VTA1: variants seen among roughly 807,000 people sequenced by gnomAD.
VTA1 encodes the protein vesicle trafficking 1, also known as vacuolar protein sorting-associated protein VTA1 homolog.
A neutral mutation model predicts 36.9 loss-of-function variants in VTA1; 24 were observed. The ratio of observed to expected loss-of-function variants is 0.65; its 90% CI spans 0.47 to 0.91. VTA1 has a LOEUF of 0.91. Among genes scored for constraint, VTA1 ranks in the 40% least tolerant of loss-of-function variants. The pLI, the probability that VTA1 is intolerant of heterozygous loss-of-function variation, is 0.00. For missense variants in VTA1, 393 were observed against 377.2 expected (o/e 1.04, Z -0.35); for synonymous variants, 142 against 130.2 (o/e 1.09, Z -0.62).
In VTA1 at chr6:142,147,282, G is replaced by A. The variant is rs1308587650; in HGVS notation, c.-6G>A. On this transcript the variant is annotated 5_prime_UTR_variant, in exon 1 of 8. Transcript: ENST00000367630. The stretch of plus-strand genomic sequence containing the variant: ...GCGAGTAGGAAGTGGTGAGTTCGGA[G>A]TAGAGATGGCCGCGCTTGCACCGCT... 3.1e-6 allele frequency: 5 copies of A among 1,614,028 alleles called. No individual in the cohort carries two copies. The South Asian group carries it at 3.3e-5, about 11-fold the overall frequency.
chr6:142,203,252 C>T (rs558762377), intron 6 of VTA1, among the ~76,000 whole-genome samples: 2 of 152,048 alleles, frequency 1.3e-5, no homozygotes, highest in African/African-American at 2.4e-5. Flanking sequence ...ATTGCCTATT[C>T]GAATTCAGTG....
chr6:142,190,166 A>G (rs1335005283), intron 5 of VTA1, among the ~76,000 whole-genome samples: 1 of 152,200 alleles, frequency 6.6e-6, no homozygotes, highest in Non-Finnish European at 1.5e-5. Context: ...TTGTAAATCT[A>G]TTTGAGTTAT....
chr6:142,162,069 T>A (rs1017032418), intron 1 of VTA1, among the ~76,000 whole-genome samples: 1 of 152,086 alleles, frequency 6.6e-6, no homozygotes, highest in Non-Finnish European at 1.5e-5. Context: ...AAGAAAAAAA[T>A]GAATGTAGGC....
intron 5 of VTA1, among the ~76,000 whole-genome samples, chr6:142,192,608 T>G (rs1775475891): frequency 6.6e-6 from 1 of 152,038 alleles, no homozygotes; most frequent in Admixed American, 6.6e-5. Flanking sequence ...TGATTCATAG[T>G]CTGTCCCTCT....
At chr6:142,197,348 A>G (rs1775571787) in intron 5 of VTA1, among the ~76,000 whole-genome samples, 1 of 152,200 alleles carries the variant, frequency 6.6e-6, no homozygotes, top group Admixed American at 6.5e-5. Flanking sequence ...CAAAAAAGTT[A>G]TTTAAAAATG....
chr6:142,167,667 G>A (rs1774947183), intron 2 of VTA1, among the ~76,000 whole-genome samples: 1 of 152,162 alleles, frequency 6.6e-6, no homozygotes, highest in African/African-American at 2.4e-5. Flanking sequence ...TGGTGTGGCT[G>A]TCTGGCTTAC....
In VTA1 at chr6:142,205,500, G is replaced by T. The variant is rs193258557; in HGVS notation, c.778+1435G>T. ...TGTAAGAACTCTCACATTTTGCCTAGCACATACCTTTTTTAAGGAACTTAA... is the reference window on the plus strand; with the variant it reads ...TGTAAGAACTCTCACATTTTGCCTATCACATACCTTTTTTAAGGAACTTAA... On this transcript the variant is annotated intron_variant, in intron 7 of 7. Coordinates refer to ENST00000367630, the MANE Select transcript of VTA1 (RefSeq NM_016485.5). Among the ~76,000 whole-genome samples the T allele has an allele frequency of 3.7e-4, 56 of 152,042 alleles. 1 individual carries two copies. The highest frequency in any genetic ancestry group is 2.6e-4 in the Non-Finnish European group (18 of 67,998).
Position 142,170,309 on chromosome 6 carries a change from T to C in VTA1, c.336-37T>C, listed in dbSNP as rs112214939. On this transcript the variant is annotated intron_variant, in intron 3 of 7. Transcript: ENST00000367630. ...TGACAAAACTACATTTTAATGTGTTTCATATTTAAACTAGACCGCTCTCTT... is the reference window on the plus strand; with the variant it reads ...TGACAAAACTACATTTTAATGTGTTCCATATTTAAACTAGACCGCTCTCTT... The C allele has an allele frequency of 2.0e-3, 2,841 of 1,415,156 alleles. 45 individuals carry two copies. In the African/African-American group the frequency reaches 0.048, roughly 24 times the overall value. The allele number at this position is 1,415,156 out of a possible 1,614,324, so 87.7% of individuals were successfully genotyped here.
intron 1 of VTA1, among the ~76,000 whole-genome samples, chr6:142,147,822 A>G (rs1030493781): frequency 1.3e-5 from 2 of 152,228 alleles, no homozygotes; most frequent in African/African-American, 2.4e-5. Flanking sequence ...TAATAAGTGA[A>G]TATTATTTAT....
At chr6:142,167,306 T>C (rs954903778) in intron 2 of VTA1, among the ~76,000 whole-genome samples, 8 of 152,210 alleles carry the variant, frequency 5.3e-5, no homozygotes, top group African/African-American at 1.9e-4. Context: ...CTGTAACTCC[T>C]GGACCCAGCC....
chr6:142,216,476 A>AAAAC (rs1363396885), intron 7 of VTA1, among the ~76,000 whole-genome samples: 33 of 152,168 alleles, frequency 2.2e-4, no homozygotes, highest in African/African-American at 7.7e-4. Context: ...ATATGTTTAT[A>AAAAC]AGTTACATTT....
intron 2 of VTA1, among the ~76,000 whole-genome samples, chr6:142,168,740 CATTATTATTATT>C (rs3079231): frequency 0.036 from 5,073 of 140,782 alleles, 316 homozygotes; most frequent in African/African-American, 0.12. Flanking sequence ...TGAGAGATAT[CATTATTATTATT>C]ATTATTATTA....
chr6:142,189,640 C>A, intron 5 of VTA1, 106 bp downstream of exon 5: 2 of 760,696 alleles, frequency 2.6e-6, no homozygotes, highest in Non-Finnish European at 4.1e-6. Context: ...TTTCATCAGG[C>A]CCAGAATCAA....
intron 4 of VTA1, among the ~76,000 whole-genome samples, chr6:142,183,426 C>T (rs760840964): frequency 3.9e-5 from 6 of 152,174 alleles, no homozygotes; most frequent in Non-Finnish European, 7.3e-5. Flanking sequence ...AATCCCTCCT[C>T]CCGCCTATGG....
At chr6:142,160,232 C>T (rs527302260) in intron 1 of VTA1, among the ~76,000 whole-genome samples, 7 of 152,170 alleles carry the variant, frequency 4.6e-5, no homozygotes, top group Middle Eastern at 3.4e-3. Flanking sequence ...AGTTTAACAC[C>T]GCTACAAAAG....
rs1323179937 is a variant in VTA1, at chr6:142,221,993, T to G, written c.*3350T>G. The G allele has an allele frequency of 6.6e-6, 1 of 151,252 alleles. No individual in the cohort carries two copies. The highest frequency in any genetic ancestry group is 1.5e-5 in the Non-Finnish European group (1 of 67,856). The allele number at this position is 151,252 out of a possible 1,614,324, so 9.4% of individuals were successfully genotyped here. ...CTCAAAAAAAAAAAAAGTATTACAA[T>G]AATCAAGGTGAGATATTATGATGTC... On this transcript the variant is annotated 3_prime_UTR_variant, in exon 8 of 8. Transcript: ENST00000367630.
chr6:142,160,960 G>A lies in VTA1; in HGVS notation c.113-5268G>A, dbSNP rs1164424145. Among the ~76,000 whole-genome samples the A allele has an allele frequency of 2.6e-5, 4 of 152,012 alleles. 1 individual carries two copies. The highest frequency in any genetic ancestry group is 1.3e-4 in the Admixed American group (2 of 15,256). ...CATTACATCATTTAATAGGAAGTCAGGAGTGGCTTTTTCTTAAAATTGTTG... is the reference window on the plus strand; with the variant it reads ...CATTACATCATTTAATAGGAAGTCAAGAGTGGCTTTTTCTTAAAATTGTTG... On this transcript the variant is annotated intron_variant, in intron 1 of 7. Coordinates refer to ENST00000367630, the MANE Select transcript of VTA1 (RefSeq NM_016485.5).
At chr6:142,186,158 G>A (rs1775335272) in intron 4 of VTA1, among the ~76,000 whole-genome samples, 1 of 152,108 alleles carries the variant, frequency 6.6e-6, no homozygotes, top group Admixed American at 6.5e-5. Flanking sequence ...AGCTGAGTAG[G>A]GGTGGGTTAG....
At chr6:142,218,021 A>G (rs1460628907) in intron 7 of VTA1, among the ~76,000 whole-genome samples, 1 of 152,160 alleles carries the variant, frequency 6.6e-6, no homozygotes, top group African/African-American at 2.4e-5. Context: ...AGAAATTTTT[A>G]CATGGATGGC....
Sources: allele counts gnomAD v4.1 joint callset (sites outside exome capture counted in the v4.1 genomes callset), GRCh38; gene constraint gnomAD v4.1.1; transcripts MANE v1.5; gene names NCBI Gene and HGNC (gene_info 2026-07-23, HGNC 2026-07-21).